The following MACF1 variants were observed in gnomAD, a reference collection of about 807,000 sequenced individuals.
The protein encoded by MACF1 is microtubule actin crosslinking factor 1.
A neutral mutation model predicts 854.8 loss-of-function variants in MACF1; 193 were observed. The ratio of observed to expected loss-of-function variants is 0.23; its 90% CI spans 0.20 to 0.25. The LOEUF is 0.25. Among genes scored for constraint, MACF1 ranks in the 10% least tolerant of loss-of-function variants. MACF1 has a pLI of 1.00. For missense variants in MACF1, 7,722 were observed against 8,929.1 expected (o/e 0.86, Z 5.45); for synonymous variants, 3,185 against 3,226.7 (o/e 0.99, Z 0.44).
intron 51 of MACF1, among the ~76,000 whole-genome samples, chr1:39,371,695 A>G (rs930219091): frequency 3.3e-5 from 5 of 151,994 alleles, no homozygotes; most frequent in Non-Finnish European, 2.9e-5. Context: ...CTATGATTCT[A>G]TGTATTTTTC....
chr1:39,316,412 A>G lies in MACF1; in HGVS notation c.3471A>G (p.Ile1157Met). 1 of 1,612,516 alleles carries G rather than the reference A, an allele frequency of 6.2e-7. No individual in the cohort carries two copies. Among genetic ancestry groups the G allele is most frequent in the South Asian group, 1.1e-5 (1 of 90,730 alleles). Residue 1157 changes from isoleucine (I) to methionine (M), a missense_variant, in exon 28 of 101, where the codon ATA (isoleucine) becomes ATG (methionine). By Grantham distance (10) the Ile-to-Met change is conservative (BLOSUM62 1). This residue lies in a region of MACF1 where 1,137 missense variants were observed against 1,263.0 expected (regional missense o/e 0.90). Coordinates refer to ENST00000564288, the MANE Select transcript of MACF1 (RefSeq NM_001394062.1). ...ACAGGTTAAAGACAGTTGATGTTAT[A>G]GTACGTAGCATACAGGATGCTGAAC... ...YLNKLKTVDV[I>M]VRSIQDAELL...
intron 48 of MACF1, 38 bp downstream of exon 48, chr1:39,361,039 G>A (rs1648144638): frequency 6.5e-7 from 1 of 1,539,226 alleles, no homozygotes; most frequent in Admixed American, 1.7e-5. Flanking sequence ...TAGAGGGTAT[G>A]TTTGCTATGT....
rs752628788 is a variant in MACF1, at chr1:39,331,395, C to T, written c.4807C>T (p.Leu1603Phe). The T allele has an allele frequency of 9.9e-6, 16 of 1,613,938 alleles. No homozygotes were observed. Among genetic ancestry groups the T allele is most frequent in the Non-Finnish European group, 1.4e-5 (16 of 1,180,012 alleles). ...TTTGGAGGAGGGCATAGCCAGAAAC[C>T]TCATTAATCCCCAGATGTACCAGCA... ...LSLEEGIARN[L>F]INPQMYQQLR... The change falls in exon 37 of 101, where the codon CTC becomes TTC. Residue 1603 changes from leucine (L) to phenylalanine (F), a missense_variant. By Grantham distance (22) the Leu-to-Phe change is conservative (BLOSUM62 0). Transcript: ENST00000564288.
chr1:39,250,053 G>A lies in MACF1; in HGVS notation c.211G>A (p.Asp71Asn), dbSNP rs754858651. Residue 71 changes from aspartate (D) to asparagine (N), a missense_variant, in exon 3 of 101, where the codon GAT becomes AAT. Around this residue, in one of 15 missense-constraint regions of MACF1, gnomAD observed 82 missense variants for 84.0 expected, o/e 0.98. Transcript: ENST00000564288. Reference sequence around the variant, plus strand: ...CAATGATCTTTATGAAGATCTGCGGGATGGCCATAACCTGATCTCTCTGTT... The same window carrying A: ...CAATGATCTTTATGAAGATCTGCGGAATGGCCATAACCTGATCTCTCTGTT... ...HINDLYEDLR[D>N]GHNLISLLEV... The A allele has an allele frequency of 6.2e-6, 10 of 1,613,684 alleles. No homozygotes were observed. Among genetic ancestry groups the A allele is most frequent in the South Asian group, 1.1e-5 (1 of 91,048 alleles).
rs1049007506 is a variant in MACF1, at chr1:39,119,553, C to T, written c.220+35115C>T. Among the ~76,000 whole-genome samples, 6 of 152,088 alleles carry T rather than the reference C, an allele frequency of 3.9e-5. 1 individual carries two copies. The South Asian group carries it at 6.2e-4, about 16-fold the overall frequency. ...GCACTTCATGAATTGAGCTACTTTGCAAATGATGCTGGTTGTTTTATTTCT... is the reference window on the plus strand; with the variant it reads ...GCACTTCATGAATTGAGCTACTTTGTAAATGATGCTGGTTGTTTTATTTCT... On this transcript the variant is annotated intron_variant, in intron 2 of 93. Coordinates refer to the MACF1 transcript ENST00000361689.
intron 2 of MACF1, 49 bp downstream of exon 2, chr1:39,231,292 A>C (rs758388511): frequency 8.4e-4 from 1,255 of 1,495,228 alleles, no homozygotes; most frequent in Non-Finnish European, 1.1e-3. Flanking sequence ...CACTGCTCTC[A>C]TCTGGATCTG....
At chr1:39,185,425 A>G (rs1367650551) in intron 2 of MACF1, among the ~76,000 whole-genome samples, 1 of 152,124 alleles carries the variant, frequency 6.6e-6, no homozygotes, top group Non-Finnish European at 1.5e-5. Context: ...CAGGAGTTCA[A>G]GGCTATAGAA....
Position 39,387,390 on chromosome 1 carries a change from T to C in MACF1, c.14548T>C (p.Tyr4850His). ...AAGTCTTAATCAACACAGTGGCTCC[T>C]ATGAGGTGATTGTGGCTGAAGGGGA... ...QKSLNQHSGS[Y>H]EVIVAEGESL... The change falls in exon 58 of 101, where the codon TAT becomes CAT. Residue 4850 changes from tyrosine to histidine, a missense_variant. By Grantham distance (83) the Tyr-to-His change is moderately conservative. Transcript: ENST00000564288. 6.2e-7 allele frequency: 1 copy of C among 1,614,202 alleles called. No individual in the cohort carries two copies.
At chr1:39,393,354 G>A (rs6662543) in intron 58 of MACF1, among the ~76,000 whole-genome samples, 2,219 of 151,760 alleles carry the variant, frequency 0.015, 38 homozygotes, top group African/African-American at 0.05. Context: ...CAAGAACCAT[G>A]TGACTTCTCA....
At chr1:39,443,902 T>G (rs1644170055) in intron 79 of MACF1, among the ~76,000 whole-genome samples, 1 of 151,632 alleles carries the variant, frequency 6.6e-6, no homozygotes, top group South Asian at 2.1e-4. Context: ...TTAAGGGGGG[T>G]TTAGGGAAAT....
intron 97 of MACF1, among the ~76,000 whole-genome samples, chr1:39,469,959 G>A (rs555497251): frequency 6.6e-6 from 1 of 152,174 alleles, no homozygotes; most frequent in Admixed American, 6.5e-5. Context: ...CATAGAAAAC[G>A]TAAATAATTT....
chr1:39,101,722 G>A (rs951340112), intron 2 of MACF1, among the ~76,000 whole-genome samples: 3 of 151,186 alleles, frequency 2.0e-5, no homozygotes, highest in Non-Finnish European at 4.4e-5. Flanking sequence ...TACTCGGGAG[G>A]CTGAGGCAGG....
At chr1:39,476,007 G>T (rs1362687809) in intron 97 of MACF1, among the ~76,000 whole-genome samples, 1 of 152,168 alleles carries the variant, frequency 6.6e-6, no homozygotes, top group African/African-American at 2.4e-5. Context: ...GCAGTGTGTA[G>T]TAACCCTCCA....
At chr1:39,379,112 G>A (rs1649972062) in intron 53 of MACF1, 91 bp from the exon 54 acceptor site, 3 of 1,292,958 alleles carry the variant, frequency 2.3e-6, no homozygotes, top group Non-Finnish European at 3.2e-6. Context: ...ACTAGAAGGA[G>A]TAAGAGAGAT....
At chr1:39,378,586 A>G in intron 53 of MACF1, 63 bp downstream of exon 53, 1 of 1,473,500 alleles carries the variant, frequency 6.8e-7, no homozygotes, top group South Asian at 1.1e-5. Context: ...CTATGTTTGC[A>G]TCTGTGTATG....
chr1:39,476,501 G>A (rs1644885968), intron 97 of MACF1, among the ~76,000 whole-genome samples: 1 of 151,884 alleles, frequency 6.6e-6, no homozygotes, highest in Admixed American at 6.6e-5. Context: ...AACCCAGGAG[G>A]CGGAGGTTAC....
rs1644263913 is a variant in MACF1 at position 39,448,066 on chromosome 1, C to G, written c.20002C>G (p.Leu6668Val). 1.2e-6 allele frequency: 2 copies of G among 1,613,890 alleles called. No individual in the cohort carries two copies. Among genetic ancestry groups the G allele is most frequent in the South Asian group, 2.2e-5 (2 of 91,078 alleles). The change falls in exon 83 of 101, where the codon CTA (leucine) becomes GTA (valine). Residue 6668 changes from leucine to valine, a missense_variant. Leu to Val is a conservative substitution (Grantham distance 32, BLOSUM62 1). This residue lies in a region of MACF1 where 729 missense variants were observed against 900.5 expected (regional missense o/e 0.81). Coordinates refer to ENST00000564288, the MANE Select transcript of MACF1 (RefSeq NM_001394062.1). ...AGCTTGGAAAAAACTGATTGACTGG[C>G]TAGAAGATGCAGAGAGTCACCTGGA... The part of the protein sequence containing the change: ...HEAWKKLIDW[L>V]EDAESHLDSE...
At chr1:39,377,324 A>G (rs1649811479) in intron 52 of MACF1, among the ~76,000 whole-genome samples, 1 of 152,158 alleles carries the variant, frequency 6.6e-6, no homozygotes, top group Admixed American at 6.6e-5. Flanking sequence ...CTATTTTGTA[A>G]TATAACCTTG....
At position 39,218,011 on chromosome 1, in the gene MACF1, G is replaced by T. The variant is rs949396516; in HGVS notation, c.109+12880G>T. Among the ~76,000 whole-genome samples the T allele has an allele frequency of 4.0e-4, 61 of 151,896 alleles. 2 individuals carry two copies. The highest frequency in any genetic ancestry group is 4.4e-5 in the Non-Finnish European group (3 of 67,980). On this transcript the variant is annotated intron_variant, in intron 1 of 100. Coordinates refer to ENST00000564288, the MANE Select transcript of MACF1 (RefSeq NM_001394062.1). ...ATCCTGGCTGACACGGTGAAACCCT[G>T]TCTGTACTAAAAATACAAAAAATTA...
Sources: allele counts gnomAD v4.1 joint callset (sites outside exome capture counted in the v4.1 genomes callset), GRCh38; gene constraint gnomAD v4.1.1; regional missense constraint gnomAD v4.1.1; transcripts MANE v1.5; gene names NCBI Gene and HGNC (gene_info 2026-07-23, HGNC 2026-07-21).